PHKB: variants seen among roughly 807,000 people sequenced by gnomAD.
PHKB encodes the protein phosphorylase b kinase regulatory subunit beta.
In PHKB, 122 loss-of-function variants were observed where a neutral mutation model predicts 152.1. The ratio of observed to expected loss-of-function variants is 0.80; its 90% confidence interval spans 0.69 to 0.93. The LOEUF (loss-of-function observed/expected upper bound fraction) is 0.93. PHKB is among the 40% of genes least tolerant of loss of function. The probability of loss-of-function intolerance (pLI) is 0.00; values close to 1 mark genes in which losing one functional copy is unlikely to be tolerated. For synonymous variants in PHKB, 436 were observed against 464.9 expected, an observed-to-expected ratio of 0.94 and a Z score of 0.80; for missense variants, 1,304 against 1,328.4, an observed-to-expected ratio of 0.98 and a Z score of 0.29.
At chr16:47,681,932 T>A (rs1486553399) in intron 26 of PHKB, among the ~76,000 whole-genome samples, 1 of 152,252 alleles carries the variant, frequency 6.6e-6, no homozygotes, top group Non-Finnish European at 1.5e-5. Flanking sequence ...CCATGTTTAG[T>A]GCTTCCTTCA....
intron 2 of PHKB, among the ~76,000 whole-genome samples, chr16:47,498,974 T>C (rs1397991498): frequency 6.6e-6 from 1 of 152,204 alleles, no homozygotes; most frequent in Non-Finnish European, 1.5e-5. Flanking sequence ...TACCCATCCA[T>C]TTATAGTTAG....
chr16:47,482,711 A>G (rs1206856141), intron 1 of PHKB, among the ~76,000 whole-genome samples: 1 of 152,188 alleles, frequency 6.6e-6, no homozygotes, highest in African/African-American at 2.4e-5. Context: ...TATAATAACA[A>G]GACATAATAC....
intron 14 of PHKB, among the ~76,000 whole-genome samples, chr16:47,612,231 A>G (rs1372266390): frequency 6.6e-6 from 1 of 152,244 alleles, no homozygotes; most frequent in Non-Finnish European, 1.5e-5. Context: ...GTATCACTTA[A>G]ATAGTATTTC....
At chr16:47,631,793 G>A (rs928465788) in intron 14 of PHKB, among the ~76,000 whole-genome samples, 1 of 152,256 alleles carries the variant, frequency 6.6e-6, no homozygotes, top group Non-Finnish European at 1.5e-5. Flanking sequence ...CCATGTCCCT[G>A]CAAGGGACAT....
chr16:47,686,870 A>T (rs1973974389), intron 26 of PHKB, among the ~76,000 whole-genome samples: 1 of 152,212 alleles, frequency 6.6e-6, no homozygotes, highest in Non-Finnish European at 1.5e-5. Context: ...TACCATTATC[A>T]TACCCACCAA....
chr16:47,552,797 TCAAA>T (rs1230660678), intron 7 of PHKB, among the ~76,000 whole-genome samples: 1 of 144,310 alleles, frequency 6.9e-6, no homozygotes, highest in Non-Finnish European at 1.5e-5. Context: ...AGACCCCATC[TCAAA>T]CACACACACA....
intron 26 of PHKB, among the ~76,000 whole-genome samples, chr16:47,677,069 A>G (rs1443699000): frequency 6.6e-6 from 1 of 152,234 alleles, no homozygotes; most frequent in Non-Finnish European, 1.5e-5. Flanking sequence ...TAGATAGCAG[A>G]CTATAACATT....
At chr16:47,598,572 C>G in intron 13 of PHKB, 1 of 788,006 alleles carries the variant, frequency 1.3e-6, no homozygotes, top group Non-Finnish European at 2.1e-6. Flanking sequence ...TATAAAATGT[C>G]AGTAATATGA....
intron 6 of PHKB, among the ~76,000 whole-genome samples, chr16:47,523,546 C>T (rs1456618870): frequency 6.6e-6 from 1 of 152,222 alleles, no homozygotes; most frequent in Non-Finnish European, 1.5e-5. Context: ...CTTGAGCTTT[C>T]ACTTCCTGCT....
chr16:47,486,584 G>A (rs922240439), intron 1 of PHKB, among the ~76,000 whole-genome samples: 1 of 152,130 alleles, frequency 6.6e-6, no homozygotes, highest in Non-Finnish European at 1.5e-5. Context: ...CTGATAGACT[G>A]TATGTTCATA....
At chr16:47,542,978 T>C (rs1182479781) in intron 6 of PHKB, among the ~76,000 whole-genome samples, 1 of 152,220 alleles carries the variant, frequency 6.6e-6, no homozygotes, top group Non-Finnish European at 1.5e-5. Context: ...TTTTCCTAAT[T>C]GTATATCCTT....
intron 23 of PHKB, among the ~76,000 whole-genome samples, chr16:47,662,066 G>T (rs1973454992): frequency 6.6e-6 from 1 of 152,140 alleles, no homozygotes; most frequent in South Asian, 2.1e-4. Context: ...TTGTGCCTGT[G>T]ACTGTTAACG....
chr16:47,686,551 T>C (rs1281473737), intron 26 of PHKB, among the ~76,000 whole-genome samples: 2 of 152,224 alleles, frequency 1.3e-5, no homozygotes, highest in Non-Finnish European at 2.9e-5. Flanking sequence ...TGAGCAATAG[T>C]AGTATTCCCA....
intron 25 of PHKB, among the ~76,000 whole-genome samples, chr16:47,668,696 T>A (rs559381852): frequency 6.6e-6 from 1 of 152,252 alleles, no homozygotes; most frequent in East Asian, 1.9e-4. Flanking sequence ...ACCAGGCACC[T>A]TGCATTATGC....
chr16:47,565,811 G>A, intron 7 of PHKB: 11 of 1,456,074 alleles, frequency 7.6e-6, no homozygotes, highest in Non-Finnish European at 9.6e-6. Context: ...CTGTGTCAAT[G>A]GGCTTTGTCC....
intron 26 of PHKB, among the ~76,000 whole-genome samples, chr16:47,683,077 C>G (rs577779595): frequency 6.6e-6 from 1 of 152,188 alleles, no homozygotes; most frequent in East Asian, 1.9e-4. Flanking sequence ...TGTAGAACAG[C>G]GGATCTTGGT....
chr16:47,565,672 C>G (rs1971553024), intron 7 of PHKB: 1 of 1,296,498 alleles, frequency 7.7e-7, no homozygotes, highest in East Asian at 2.3e-5. Flanking sequence ...CATCCCTGTT[C>G]CTGAGTTTCT....
intron 1 of PHKB, among the ~76,000 whole-genome samples, chr16:47,469,932 G>T (rs1969735425): frequency 6.6e-6 from 1 of 151,172 alleles, no homozygotes; most frequent in Non-Finnish European, 1.5e-5. Context: ...AGTGGTGGTA[G>T]TAGTAGTACT....
intron 1 of PHKB, 131 bp downstream of exon 1, chr16:47,461,557 T>C (rs1217347496): frequency 2.2e-6 from 2 of 895,190 alleles, no homozygotes; most frequent in African/African-American, 3.3e-5. Context: ...AGAAAGCAGG[T>C]GGCGGCCCTG....
Sources: allele counts gnomAD v4.1 joint callset (sites outside exome capture counted in the v4.1 genomes callset), GRCh38; gene constraint gnomAD v4.1.1; transcripts MANE v1.5; gene names NCBI Gene and HGNC (gene_info 2026-07-23, HGNC 2026-07-21).